AAMDC: variants seen among roughly 807,000 people sequenced by gnomAD.
AAMDC encodes mth938 domain-containing protein.
A neutral mutation model predicts 15.5 loss-of-function variants in AAMDC; 16 were observed. The ratio of observed to expected loss-of-function variants is 1.03; its 90% CI spans 0.70 to 1.57. The LOEUF is 1.57. Ranked by LOEUF, AAMDC falls within the 40% of genes most tolerant of loss-of-function variation. The pLI, the probability that AAMDC is intolerant of heterozygous loss-of-function variation, is 0.00. For synonymous variants in AAMDC, 51 were observed against 51.6 expected, an observed-to-expected ratio of 0.99 and a Z score of 0.05; for missense variants, 141 against 144.9, an observed-to-expected ratio of 0.97 and a Z score of 0.14.
intron 5 of AAMDC, among the ~76,000 whole-genome samples, chr11:77,889,917 G>C (rs546177029): frequency 1.6e-3 from 246 of 152,236 alleles, no homozygotes; most frequent in African/African-American, 5.5e-3. Context: ...TCTCCTTTAC[G>C]CTCAGGTGAT....
intron 2 of AAMDC, among the ~76,000 whole-genome samples, chr11:77,851,740 TG>T (rs1298986469): frequency 6.6e-6 from 1 of 152,124 alleles, no homozygotes; most frequent in East Asian, 1.9e-4. Context: ...CGTTCTGCCA[TG>T]GGTAAAAGCT....
At chr11:77,862,489 A>G (rs1018048137) in intron 2 of AAMDC, among the ~76,000 whole-genome samples, 6 of 151,972 alleles carry the variant, frequency 3.9e-5, no homozygotes, top group Non-Finnish European at 8.8e-5. Context: ...TCCTCCTCCC[A>G]CCACTTGGAG....
At chr11:77,840,316 G>T (rs2136126002) in intron 1 of AAMDC, among the ~76,000 whole-genome samples, 1 of 152,218 alleles carries the variant, frequency 6.6e-6, no homozygotes, top group African/African-American at 2.4e-5. Context: ...ATCACCTGAG[G>T]TCAGGAGACC....
chr11:77,826,492 A>G (rs1486802766), intron 1 of AAMDC, among the ~76,000 whole-genome samples: 2 of 152,216 alleles, frequency 1.3e-5, no homozygotes, highest in Non-Finnish European at 2.9e-5. Context: ...CATCCTATAC[A>G]GCAAGGCCTG....
chr11:77,824,623 A>G (rs1279577710), intron 1 of AAMDC, among the ~76,000 whole-genome samples: 1 of 152,220 alleles, frequency 6.6e-6, no homozygotes, highest in Non-Finnish European at 1.5e-5. Flanking sequence ...CAGACACAAA[A>G]GAGTTAGGTA....
intron 2 of AAMDC, among the ~76,000 whole-genome samples, chr11:77,865,848 T>C (rs1025712708): frequency 6.6e-6 from 1 of 152,218 alleles, no homozygotes; most frequent in Non-Finnish European, 1.5e-5. Context: ...TTCTAAAACA[T>C]TATTCTGAGA....
chr11:77,881,719 C>T lies in AAMDC; in HGVS notation c.328+4670C>T, dbSNP rs567749814. Among the ~76,000 whole-genome samples the T allele has an allele frequency of 2.6e-5, 4 of 152,308 alleles. No individual in the cohort carries two copies. The South Asian group carries it at 8.3e-4, about 32-fold the overall frequency. ...ACAGGCTACTAAAACAATGGAGATA[C>T]AGAGGCAAAGACAAGCAAGTTCCCT... On this transcript the variant is annotated intron_variant, in intron 5 of 5. Coordinates refer to the AAMDC transcript ENST00000304716.
chr11:77,852,293 A>C (rs1950427870), intron 2 of AAMDC, among the ~76,000 whole-genome samples: 1 of 151,856 alleles, frequency 6.6e-6, no homozygotes, highest in Admixed American at 6.6e-5. Flanking sequence ...ACTGAAATTA[A>C]TGATCATTTT....
At chr11:77,891,652 T>G (rs780326983) in intron 5 of AAMDC, 5 of 1,610,434 alleles carry the variant, frequency 3.1e-6, no homozygotes, top group Non-Finnish European at 4.2e-6. Flanking sequence ...TGGACAGATT[T>G]GGCCTACAGG....
intron 2 of AAMDC, among the ~76,000 whole-genome samples, 192 bp downstream of exon 2, chr11:77,842,820 T>C (rs1243687212): frequency 6.6e-6 from 1 of 152,238 alleles, no homozygotes; most frequent in Non-Finnish European, 1.5e-5. Flanking sequence ...TGTAGTGACA[T>C]TATAGTGACT....
chr11:77,896,593 G>C (rs1565229751), intron 5 of AAMDC, among the ~76,000 whole-genome samples: 2 of 151,494 alleles, frequency 1.3e-5, no homozygotes, highest in African/African-American at 4.8e-5. Context: ...TGGAGGTTGT[G>C]GGGAGCTGAG....
intron 2 of AAMDC, among the ~76,000 whole-genome samples, chr11:77,844,560 C>T (rs2136150159): frequency 6.6e-6 from 1 of 152,166 alleles, no homozygotes; most frequent in East Asian, 1.9e-4. Context: ...TGAGGTCTCA[C>T]TACATTGCCC....
In AAMDC at chr11:77,879,240, C is replaced by A. The variant is rs902180040; in HGVS notation, c.328+2191C>A. 7.2e-6 allele frequency: 8 copies of A among 1,117,662 alleles called. No individual in the cohort carries two copies. In the African/African-American group the frequency reaches 1.1e-4, roughly 15 times the overall value. 69.2% of individuals were successfully genotyped at this position (1,117,662 alleles called of 1,614,324 possible). A position where few individuals can be genotyped will look rare whatever the true frequency, so the allele number is the denominator to read the frequency against. On this transcript the variant is annotated intron_variant, in intron 5 of 5. Coordinates refer to the AAMDC transcript ENST00000304716. ...AAGCAGTAGGGAGAAATTTCTTCATCCGTCTACATTCCCTCCCCTTACCCT... is the reference window on the plus strand; with the variant it reads ...AAGCAGTAGGGAGAAATTTCTTCATACGTCTACATTCCCTCCCCTTACCCT...
chr11:77,905,673 C>G (rs1381102301), downstream of AAMDC, among the ~76,000 whole-genome samples: 1 of 152,222 alleles, frequency 6.6e-6, no homozygotes, highest in Admixed American at 6.5e-5. Flanking sequence ...GATCTCAGCT[C>G]TTTGGGTGAC....
chr11:77,891,773 G>A (rs758063645), intron 5 of AAMDC: 29 of 1,611,844 alleles, frequency 1.8e-5, no homozygotes, highest in East Asian at 4.5e-5. Flanking sequence ...GTCATGAGTC[G>A]GGGCATAAGG....
At chr11:77,902,119 C>T (rs976664128), downstream of AAMDC, among the ~76,000 whole-genome samples, 9 of 152,192 alleles carry the variant, frequency 5.9e-5, no homozygotes, top group Non-Finnish European at 1.3e-4. Context: ...TCTTTTCCTT[C>T]TGTGCTTGCC....
intron 5 of AAMDC, among the ~76,000 whole-genome samples, chr11:77,882,405 C>T (rs1376230824): frequency 6.6e-6 from 1 of 152,150 alleles, no homozygotes; most frequent in Non-Finnish European, 1.5e-5. Context: ...AAGTCAGACC[C>T]TCTCAAGACC....
chr11:77,825,292 T>A (rs567516321), intron 1 of AAMDC, among the ~76,000 whole-genome samples: 204 of 152,168 alleles, frequency 1.3e-3, no homozygotes, highest in South Asian at 8.3e-3. Flanking sequence ...GCTTTTTTTT[T>A]AATGGATATT....
rs1251934704 is a variant in AAMDC at position 77,872,283 on chromosome 11, A to C, written c.337A>C (p.Arg113=). The stretch of plus-strand genomic sequence containing the variant: ...TAATGCCTTGGTTGCCCAAGGGGTC[A>C]GGGTGGGAGGTGTCTTCCATTCCAC... ...EYNALVAQGV[R]VGGVFHSTC Residue 113 remains arginine (R), a synonymous_variant, in exon 4 of 4, where the codon AGG becomes CGG. Coordinates refer to ENST00000393427, the MANE Select transcript of AAMDC (RefSeq NM_024684.4). 1 of 1,613,400 alleles carries C rather than the reference A, an allele frequency of 6.2e-7. No homozygotes were observed. The highest frequency in any genetic ancestry group is 1.7e-5 in the Admixed American group (1 of 59,868).
Sources: gnomAD v4.1 joint callset for allele counts (sites outside exome capture counted in the v4.1 genomes callset) on GRCh38, gnomAD v4.1.1 for gene constraint, MANE v1.5 for transcripts, NCBI Gene and HGNC (gene_info 2026-07-23, HGNC 2026-07-21) for gene names.